The following IGSF11 variants were observed in gnomAD, a reference collection of about 807,000 sequenced individuals.
IGSF11 encodes the protein immunoglobulin superfamily member 11, also known as CXADR like 1.
A neutral mutation model predicts 41.0 loss-of-function variants in IGSF11; 22 were observed. That is an observed-to-expected ratio of 0.54 (90% CI 0.38 to 0.77). The LOEUF (loss-of-function observed/expected upper bound fraction) is 0.77, where lower values mean the gene tolerates loss of function less well. Ranked by LOEUF, IGSF11 falls within the 30% of genes least tolerant of loss-of-function variation. The probability of loss-of-function intolerance (pLI) is 0.00; values close to 1 mark genes in which losing one functional copy is unlikely to be tolerated. For missense variants in IGSF11, 444 were observed against 530.8 expected (o/e 0.84, Z 1.61); for synonymous variants, 219 against 201.3 (o/e 1.09, Z -0.74).
intron 1 of IGSF11, among the ~76,000 whole-genome samples, chr3:119,084,942 A>G (rs2076646274): frequency 6.6e-6 from 1 of 152,210 alleles, no homozygotes; most frequent in South Asian, 2.1e-4. Context: ...GAGAGGGCTG[A>G]GTCACACAGG....
intron 1 of IGSF11, among the ~76,000 whole-genome samples, chr3:119,042,545 T>A (rs113547513): frequency 0.014 from 2,203 of 152,202 alleles, 48 homozygotes; most frequent in African/African-American, 0.05. Flanking sequence ...GAGGCAGCCA[T>A]AATCCCCCTG....
chr3:119,091,856 GA>G (rs1035906112), intron 1 of IGSF11, among the ~76,000 whole-genome samples: 1 of 133,038 alleles, frequency 7.5e-6, no homozygotes, highest in African/African-American at 2.7e-5. Context: ...AATAAATATT[GA>G]ATTTTTTTTT....
At chr3:119,011,389 T>A (rs568641895) in intron 1 of IGSF11, among the ~76,000 whole-genome samples, 1 of 152,216 alleles carries the variant, frequency 6.6e-6, no homozygotes, top group African/African-American at 2.4e-5. Flanking sequence ...ATATAAAAAG[T>A]CTGCCCAAGT....
chr3:119,131,783 GT>G (rs2077485684), intron 1 of IGSF11, among the ~76,000 whole-genome samples: 1 of 152,168 alleles, frequency 6.6e-6, no homozygotes, highest in African/African-American at 2.4e-5. Context: ...AGGGAAAAAG[GT>G]TAAGGGCAGC....
chr3:119,073,879 A>G (rs999578042), intron 1 of IGSF11, among the ~76,000 whole-genome samples: 4 of 152,242 alleles, frequency 2.6e-5, no homozygotes, highest in Non-Finnish European at 4.4e-5. Flanking sequence ...GGGCTCCTCA[A>G]TCATGGCCAG....
At chr3:119,112,936 T>C (rs1046338432) in intron 1 of IGSF11, among the ~76,000 whole-genome samples, 1 of 152,048 alleles carries the variant, frequency 6.6e-6, no homozygotes, top group Non-Finnish European at 1.5e-5. Flanking sequence ...CTTACAATCA[T>C]GACAGAAAGT....
chr3:119,109,752 C>A (rs1327028309), upstream of IGSF11, among the ~76,000 whole-genome samples: 1 of 152,090 alleles, frequency 6.6e-6, no homozygotes. Context: ...CCTCTACACA[C>A]TGCTTTGAAT....
chr3:119,083,873 A>T (rs189030667), intron 1 of IGSF11, among the ~76,000 whole-genome samples: 96 of 152,052 alleles, frequency 6.3e-4, no homozygotes, highest in Non-Finnish European at 1.2e-3. Flanking sequence ...TATTTTTTTT[A>T]AAAATTTAAT....
chr3:118,932,246 C>T (rs1470159123), intron 1 of IGSF11, among the ~76,000 whole-genome samples: 2 of 152,130 alleles, frequency 1.3e-5, no homozygotes, highest in Non-Finnish European at 2.9e-5. Context: ...GGAGACCCTA[C>T]AAAGAAGTTA....
upstream of IGSF11, among the ~76,000 whole-genome samples, chr3:119,109,246 G>C (rs1177329268): frequency 1.3e-5 from 2 of 149,246 alleles, no homozygotes; most frequent in African/African-American, 4.9e-5. Context: ...GTAAGCTATT[G>C]ATTATTGCCA....
chr3:119,120,670 A>G (rs535170927), intron 1 of IGSF11, among the ~76,000 whole-genome samples: 2 of 152,302 alleles, frequency 1.3e-5, no homozygotes, highest in African/African-American at 4.8e-5. Context: ...TTTGTTATAC[A>G]AATGTGGCTT....
chr3:118,959,463 T>A (rs1253649512), intron 1 of IGSF11, among the ~76,000 whole-genome samples: 1 of 151,910 alleles, frequency 6.6e-6, no homozygotes, highest in African/African-American at 2.4e-5. Context: ...CCTTACAGAG[T>A]TATGTCAAGG....
intron 1 of IGSF11, among the ~76,000 whole-genome samples, chr3:118,991,512 G>C (rs942902546): frequency 6.6e-6 from 1 of 152,104 alleles, no homozygotes; most frequent in Non-Finnish European, 1.5e-5. Context: ...CAATTAACCT[G>C]TGAATTTAAT....
At chr3:119,107,312 T>G (rs1457931644), upstream of IGSF11, among the ~76,000 whole-genome samples, 1 of 152,238 alleles carries the variant, frequency 6.6e-6, no homozygotes, top group African/African-American at 2.4e-5. Context: ...TCATTGTGGT[T>G]TTGATTTGCA....
Position 118,902,466 on chromosome 3 carries a change from C to CCAGGG in IGSF11, c.*53_*54insCCCTG. On this transcript the variant is annotated 3_prime_UTR_variant, in exon 7 of 7. Coordinates refer to ENST00000393775, the MANE Select transcript of IGSF11 (RefSeq NM_001015887.3). ...CAGCACTCCCCACCCCACCCTCCCC[C>CCAGGG]TTGTATGAGGGCATTCCATTTATTC... 1 of 878,268 alleles carries CCAGGG rather than the reference C, an allele frequency of 1.1e-6. No homozygotes were observed. The highest frequency in any genetic ancestry group is 1.8e-6 in the Non-Finnish European group (1 of 544,884). The allele number at this position is 878,268 out of a possible 1,614,324, so 54.4% of individuals were successfully genotyped here.
chr3:119,060,546 A>C (rs1026560321), intron 1 of IGSF11, among the ~76,000 whole-genome samples: 3 of 152,164 alleles, frequency 2.0e-5, no homozygotes, highest in Admixed American at 6.5e-5. Flanking sequence ...ACTTTAACAC[A>C]ATCATCTTAT....
chr3:118,976,630 G>A (rs573777743), intron 1 of IGSF11, among the ~76,000 whole-genome samples: 13 of 152,212 alleles, frequency 8.5e-5, no homozygotes, highest in Non-Finnish European at 1.9e-4. Context: ...TTTTATTCTA[G>A]TCTGAAGATA....
chr3:118,930,154 A>G lies in IGSF11; in HGVS notation c.174T>C (p.Ile58=). The stretch of plus-strand genomic sequence containing the variant: ...CATTGGAGAGAGGAGTGACCATCCA[A>G]ATGACATTGAGGTTAATGAGGGCAG... ...TSAALINLNV[I]WMVTPLSNAN... The change falls in exon 2 of 7, where the codon ATT becomes ATC. Residue 58 remains isoleucine (I), a synonymous_variant. Transcript: ENST00000393775. 1.2e-6 allele frequency: 2 copies of G among 1,613,794 alleles called. No homozygotes were observed. The highest frequency in any genetic ancestry group is 1.7e-5 in the Admixed American group (1 of 59,980).
chr3:119,007,353 G>C (rs1937570837), intron 1 of IGSF11, among the ~76,000 whole-genome samples: 1 of 142,882 alleles, frequency 7.0e-6, no homozygotes, highest in East Asian at 2.0e-4. Flanking sequence ...ACTGGCCTGC[G>C]CCCACTGTCT....
Sources: allele counts gnomAD v4.1 joint callset (sites outside exome capture counted in the v4.1 genomes callset), GRCh38; gene constraint gnomAD v4.1.1; transcripts MANE v1.5; gene names NCBI Gene and HGNC (gene_info 2026-07-23, HGNC 2026-07-21).